FUT8: variants seen among roughly 807,000 people sequenced by gnomAD.
FUT8 encodes fucosyltransferase 8, also known as alpha-(1,6)-fucosyltransferase.
A neutral mutation model predicts 71.3 loss-of-function variants in FUT8; 29 were observed. The ratio of observed to expected loss-of-function variants is 0.41; its 90% CI spans 0.30 to 0.55. The LOEUF (loss-of-function observed/expected upper bound fraction) is 0.55. FUT8 is among the 20% of genes least tolerant of loss of function. The pLI is 0.34. For synonymous variants in FUT8, 254 were observed against 239.3 expected (o/e 1.06, Z -0.57); for missense variants, 544 against 702.1 (o/e 0.77, Z 2.55).
chr14:65,456,220 C>T (rs1001726295), intron 2 of FUT8, among the ~76,000 whole-genome samples: 5 of 152,174 alleles, frequency 3.3e-5, no homozygotes, highest in Admixed American at 1.3e-4. Flanking sequence ...CAAATTTGCT[C>T]GTGTTGCCTA....
At chr14:65,435,185 A>T (rs2065536397) in intron 1 of FUT8, among the ~76,000 whole-genome samples, 2 of 152,134 alleles carry the variant, frequency 1.3e-5, no homozygotes, top group South Asian at 4.1e-4. Flanking sequence ...TCCTCCTGGT[A>T]CTCCAGTCAT....
chr14:65,672,446 A>T (rs1223815565), intron 7 of FUT8, among the ~76,000 whole-genome samples: 2 of 152,066 alleles, frequency 1.3e-5, no homozygotes, highest in African/African-American at 4.8e-5. Flanking sequence ...CCTTTCAACA[A>T]TATTTATTTA....
chr14:65,420,122 A>G (rs892276513), intron 1 of FUT8, among the ~76,000 whole-genome samples: 1 of 152,200 alleles, frequency 6.6e-6, no homozygotes, highest in African/African-American at 2.4e-5. Context: ...GTAATGTGCA[A>G]TTAGGAATAG....
intron 7 of FUT8, among the ~76,000 whole-genome samples, chr14:65,677,149 T>TGC (rs1484485353): frequency 2.8e-3 from 239 of 84,566 alleles, no homozygotes; most frequent in East Asian, 9.4e-3. Flanking sequence ...TGTGTGTGTG[T>TGC]GTGCGCGCGC....
chr14:65,668,417 A>G (rs1333061307), intron 6 of FUT8, among the ~76,000 whole-genome samples: 3 of 152,200 alleles, frequency 2.0e-5, no homozygotes, highest in Non-Finnish European at 4.4e-5. Flanking sequence ...TTCAAAAGAC[A>G]TATACACAGT....
chr14:65,608,267 C>T (rs1340843854), intron 3 of FUT8, among the ~76,000 whole-genome samples: 1 of 151,732 alleles, frequency 6.6e-6, no homozygotes, highest in Non-Finnish European at 1.5e-5. Flanking sequence ...TTGTGATTCT[C>T]TTTTCTTTCC....
At chr14:65,588,996 A>G (rs1305922300) in intron 3 of FUT8, among the ~76,000 whole-genome samples, 1 of 151,838 alleles carries the variant, frequency 6.6e-6, no homozygotes, top group Non-Finnish European at 1.5e-5. Flanking sequence ...CAGCCCCTTT[A>G]TTTCGCTCCT....
Position 65,742,384 on chromosome 14 carries a change from C to G in FUT8, c.1702C>G (p.Pro568Ala). Reference protein sequence around the residue: ...VREKIETVKYPTYPEAEK With the variant: ...VREKIETVKYATYPEAEK ...AGAGAAGATAGAAACGGTCAAGTAC[C>G]CCACATATCCTGAGGCTGAGAAATA... is the stretch of plus-strand genomic sequence containing the variant. Residue 568 changes from proline to alanine, a missense_variant, in exon 11 of 11, where the codon CCC (proline) becomes GCC (alanine). Transcript: ENST00000673929. 1 of 1,612,044 alleles carries G rather than the reference C, an allele frequency of 6.2e-7. No individual in the cohort carries two copies. The highest frequency in any genetic ancestry group is 8.5e-7 in the Non-Finnish European group (1 of 1,178,754).
At chr14:65,434,287 C>T (rs940982702) in intron 1 of FUT8, among the ~76,000 whole-genome samples, 6 of 152,148 alleles carry the variant, frequency 3.9e-5, no homozygotes, top group African/African-American at 1.4e-4. Context: ...TTTATTTTTT[C>T]TCCTGTTGGC....
intron 2 of FUT8, among the ~76,000 whole-genome samples, chr14:65,543,834 C>T (rs1205481553): frequency 6.6e-6 from 1 of 152,098 alleles, no homozygotes; most frequent in Admixed American, 6.6e-5. Context: ...TTCTTTTGCA[C>T]ATAATTGCAT....
intron 2 of FUT8, among the ~76,000 whole-genome samples, chr14:65,535,980 A>G (rs1884282472): frequency 6.6e-6 from 1 of 152,174 alleles, no homozygotes; most frequent in Non-Finnish European, 1.5e-5. Context: ...GGGTGCATAT[A>G]TATTTAGGAT....
At chr14:65,699,686 T>A (rs1325530119) in intron 7 of FUT8, among the ~76,000 whole-genome samples, 1 of 152,210 alleles carries the variant, frequency 6.6e-6, no homozygotes, top group South Asian at 2.1e-4. Flanking sequence ...TACTTTCTGC[T>A]CTTCATCTCT....
At chr14:65,441,144 T>C (rs1566748920) in intron 1 of FUT8, among the ~76,000 whole-genome samples, 1 of 152,180 alleles carries the variant, frequency 6.6e-6, no homozygotes, top group Admixed American at 6.5e-5. Context: ...GAAAGATACA[T>C]ATGTTTTTAA....
At chr14:65,706,495 G>T (rs1894559844) in intron 7 of FUT8, among the ~76,000 whole-genome samples, 1 of 152,170 alleles carries the variant, frequency 6.6e-6, no homozygotes, top group South Asian at 2.1e-4. Context: ...AACCAGAGGA[G>T]TGTCAGTCCG....
chr14:65,441,010 A>G (rs1178681320), intron 1 of FUT8, among the ~76,000 whole-genome samples: 1 of 152,202 alleles, frequency 6.6e-6, no homozygotes, highest in Admixed American at 6.5e-5. Context: ...TATACTCAAA[A>G]CTATGTCTGC....
chr14:65,469,514 G>A (rs2066103303), intron 2 of FUT8, among the ~76,000 whole-genome samples: 2 of 152,172 alleles, frequency 1.3e-5, no homozygotes, highest in Admixed American at 1.3e-4. Flanking sequence ...TGGCGCCTTT[G>A]CCCGAGTTCT....
At chr14:65,620,804 A>T (rs1889569582) in intron 5 of FUT8, among the ~76,000 whole-genome samples, 1 of 152,218 alleles carries the variant, frequency 6.6e-6, no homozygotes. Context: ...TTGTTTCAAC[A>T]AAATGTTTTT....
At chr14:65,493,757 C>G (rs1230248354) in intron 2 of FUT8, among the ~76,000 whole-genome samples, 1 of 151,624 alleles carries the variant, frequency 6.6e-6, no homozygotes, top group Non-Finnish European at 1.5e-5. Flanking sequence ...TGTATTGTCT[C>G]TTAGGGATAA....
intron 2 of FUT8, among the ~76,000 whole-genome samples, chr14:65,528,061 T>G (rs1377897505): frequency 2.0e-5 from 3 of 152,196 alleles, no homozygotes; most frequent in Non-Finnish European, 4.4e-5. Flanking sequence ...GGAGAACCAC[T>G]ACTCTCTTCA....
Sources: allele counts gnomAD v4.1 joint callset (sites outside exome capture counted in the v4.1 genomes callset), GRCh38; gene constraint gnomAD v4.1.1; transcripts MANE v1.5; gene names NCBI Gene and HGNC (gene_info 2026-07-23, HGNC 2026-07-21).